The following SLC35F1 variants were observed in gnomAD, a reference collection of about 807,000 sequenced individuals.
The protein encoded by SLC35F1 is solute carrier family 35 member F1.
A neutral mutation model predicts 48.7 loss-of-function variants in SLC35F1; 14 were observed. That is an observed-to-expected ratio of 0.29 (90% confidence interval 0.19 to 0.45). The LOEUF (loss-of-function observed/expected upper bound fraction) is 0.45. Among genes scored for constraint, SLC35F1 ranks in the 20% least tolerant of loss-of-function variants. The pLI is 1.00. For missense variants in SLC35F1, 404 were observed against 500.0 expected (o/e 0.81, Z 1.83); for synonymous variants, 190 against 202.2 (o/e 0.94, Z 0.51).
intron 1 of SLC35F1, among the ~76,000 whole-genome samples, chr6:117,939,425 CG>C (rs1776201857): frequency 6.6e-6 from 1 of 152,194 alleles, no homozygotes; most frequent in South Asian, 2.1e-4. Flanking sequence ...TTATTTTCCT[CG>C]GGTTCTTGCC....
chr6:118,308,473 G>A (rs777738177), intron 7 of SLC35F1, among the ~76,000 whole-genome samples: 6 of 152,146 alleles, frequency 3.9e-5, no homozygotes, highest in Non-Finnish European at 8.8e-5. Flanking sequence ...CACATTTTCT[G>A]GGCTGTGCTA....
intron 1 of SLC35F1, among the ~76,000 whole-genome samples, chr6:118,112,078 ATTTCTTTCT>A (rs1337531187): frequency 6.0e-5 from 8 of 132,506 alleles, no homozygotes; most frequent in South Asian, 5.0e-4. Context: ...CTTTTTCTTT[ATTTCTTTCT>A]TTTCTTTTCT....
intron 1 of SLC35F1, among the ~76,000 whole-genome samples, chr6:118,057,420 AG>A (rs768109902): frequency 6.6e-6 from 1 of 152,044 alleles, no homozygotes; most frequent in Admixed American, 6.6e-5. Flanking sequence ...AAGCAGGAGG[AG>A]GGGAGGCTGT....
At chr6:118,039,808 G>GTTTTTTTTTTTTTTT (rs201281915) in intron 1 of SLC35F1, among the ~76,000 whole-genome samples, 1 of 119,204 alleles carries the variant, frequency 8.4e-6, no homozygotes, top group Non-Finnish European at 1.7e-5. Context: ...TGTTTTTTTT[G>GTTTTTTTTTTTTTTT]TTTTTTTTTT....
chr6:118,148,924 T>C (rs1468800762), intron 1 of SLC35F1, among the ~76,000 whole-genome samples: 2 of 152,132 alleles, frequency 1.3e-5, no homozygotes, highest in Non-Finnish European at 2.9e-5. Context: ...GAGCTAGTAG[T>C]TTTTCAAGGT....
intron 2 of SLC35F1, among the ~76,000 whole-genome samples, chr6:118,205,323 A>G (rs1375311578): frequency 6.6e-6 from 1 of 152,186 alleles, no homozygotes; most frequent in East Asian, 1.9e-4. Flanking sequence ...ACTTGAATAG[A>G]CATTTCTCAC....
At chr6:118,257,346 C>G (rs1438322618) in intron 3 of SLC35F1, among the ~76,000 whole-genome samples, 1 of 152,142 alleles carries the variant, frequency 6.6e-6, no homozygotes, top group Non-Finnish European at 1.5e-5. Context: ...TCTGCCTGCT[C>G]TATGTCCCTT....
intron 1 of SLC35F1, among the ~76,000 whole-genome samples, chr6:118,132,836 A>G (rs1177370320): frequency 2.0e-5 from 3 of 152,058 alleles, no homozygotes; most frequent in African/African-American, 7.2e-5. Context: ...GTCTTGCCCT[A>G]CTCATTTTAC....
intron 2 of SLC35F1, among the ~76,000 whole-genome samples, chr6:118,188,736 T>TA (rs1774694464): frequency 2.0e-5 from 3 of 152,180 alleles, no homozygotes; most frequent in South Asian, 2.1e-4. Context: ...AACAGACACT[T>TA]ACGTTGTTTC....
At chr6:118,305,359 C>A (rs1214059805) in intron 7 of SLC35F1, among the ~76,000 whole-genome samples, 2 of 151,850 alleles carry the variant, frequency 1.3e-5, no homozygotes, top group Non-Finnish European at 2.9e-5. Flanking sequence ...AAATGTCAAT[C>A]TCATTTTTAA....
intron 1 of SLC35F1, among the ~76,000 whole-genome samples, chr6:118,016,710 A>T (rs1777327230): frequency 6.6e-6 from 1 of 152,230 alleles, no homozygotes; most frequent in Non-Finnish European, 1.5e-5. Context: ...ATATTTGCTT[A>T]GCGCTTGAAT....
chr6:118,036,766 G>A (rs1427157724), intron 1 of SLC35F1, among the ~76,000 whole-genome samples: 1 of 152,076 alleles, frequency 6.6e-6, no homozygotes, highest in Non-Finnish European at 1.5e-5. Flanking sequence ...TCACTATGTT[G>A]CCAAGGCTGG....
At chr6:117,908,232 C>T (rs1338651029) in intron 1 of SLC35F1, among the ~76,000 whole-genome samples, 3 of 152,162 alleles carry the variant, frequency 2.0e-5, no homozygotes, top group Non-Finnish European at 1.5e-5. Flanking sequence ...CCCTCTCGCA[C>T]CCCGGCTTTG....
intron 1 of SLC35F1, among the ~76,000 whole-genome samples, chr6:117,945,322 GT>G (rs1205527110): frequency 6.6e-6 from 1 of 152,148 alleles, no homozygotes; most frequent in Non-Finnish European, 1.5e-5. Context: ...CAAAGGGTAT[GT>G]TTTTCCTTAA....
chr6:118,150,775 A>T (rs969213445), intron 1 of SLC35F1, among the ~76,000 whole-genome samples: 2 of 152,192 alleles, frequency 1.3e-5, no homozygotes, highest in Non-Finnish European at 2.9e-5. Context: ...CATTTTAAAC[A>T]TTATTATTTT....
At position 118,072,943 on chromosome 6, in the gene SLC35F1, T is replaced by A. The variant is rs1011837255; in HGVS notation, c.174-81502T>A. On this transcript the variant is annotated intron_variant, in intron 1 of 7. Transcript: ENST00000360388. ...CTAATTGGAGGTGGAGTAGGGAAGA[T>A]GGGGTTCCACATCTTCTGTATTCTA... Among the ~76,000 whole-genome samples, 28 of 152,288 alleles carry A rather than the reference T, an allele frequency of 1.8e-4. 1 individual carries two copies. The South Asian group carries it at 2.7e-3, about 15-fold the overall frequency.
chr6:118,281,552 TTC>T (rs1775985119), intron 6 of SLC35F1, among the ~76,000 whole-genome samples: 1 of 152,266 alleles, frequency 6.6e-6, no homozygotes, highest in Admixed American at 6.5e-5. Context: ...AAACCATTGT[TTC>T]TCTCTGTGTC....
rs1043159403 is a variant in SLC35F1 at position 117,988,311 on chromosome 6, T to C, written c.173+80412T>C. The stretch of plus-strand genomic sequence containing the variant: ...GACAAGATGGTGGACTTTCTGCTTG[T>C]AGTCACTTCCCTTATATCCCAGAGC... On this transcript the variant is annotated intron_variant, in intron 1 of 7. Transcript: ENST00000360388. Among the ~76,000 whole-genome samples, 3 of 152,314 alleles carry C rather than the reference T, an allele frequency of 2.0e-5. No homozygotes were observed. The South Asian group carries it at 6.2e-4, about 32-fold the overall frequency.
chr6:118,091,033 A>G (rs1184291214), intron 1 of SLC35F1, among the ~76,000 whole-genome samples: 1 of 152,096 alleles, frequency 6.6e-6, no homozygotes, highest in Non-Finnish European at 1.5e-5. Flanking sequence ...AGAGAGAGAA[A>G]TAAAAGATGT....
Sources: allele counts gnomAD v4.1 joint callset (sites outside exome capture counted in the v4.1 genomes callset), GRCh38; gene constraint gnomAD v4.1.1; transcripts MANE v1.5; gene names NCBI Gene and HGNC (gene_info 2026-07-23, HGNC 2026-07-21).